Variants in GRID2 observed in about 807,000 individuals in gnomAD.
GRID2 encodes the protein glutamate ionotropic receptor delta type subunit 2, also known as glutamate receptor ionotropic, delta-2.
A neutral mutation model predicts 114.8 loss-of-function variants in GRID2; 33 were observed. The ratio of observed to expected loss-of-function variants is 0.29; its 90% CI spans 0.22 to 0.38. The LOEUF (loss-of-function observed/expected upper bound fraction) is 0.38. Among genes scored for constraint, GRID2 ranks in the 10% least tolerant of loss-of-function variants. GRID2 has a pLI of 1.00. For missense variants in GRID2, 1,184 were observed against 1,257.7 expected (o/e 0.94, Z 0.89); for synonymous variants, 505 against 449.9 (o/e 1.12, Z -1.55).
intron 2 of GRID2, among the ~76,000 whole-genome samples, chr4:93,037,212 T>C (rs1398633744): frequency 6.6e-6 from 1 of 152,204 alleles, no homozygotes; most frequent in Non-Finnish European, 1.5e-5. Context: ...CAAGTCCCTA[T>C]TACCTTAAAT....
chr4:93,002,421 T>C (rs1268667755), intron 2 of GRID2, among the ~76,000 whole-genome samples: 3 of 151,792 alleles, frequency 2.0e-5, no homozygotes, highest in South Asian at 2.1e-4. Flanking sequence ...AAAAACATAG[T>C]TGATGGGCCG....
At chr4:93,328,139 AC>A (rs1560504131) in intron 8 of GRID2, among the ~76,000 whole-genome samples, 1 of 149,908 alleles carries the variant, frequency 6.7e-6, no homozygotes, top group Non-Finnish European at 1.5e-5. Flanking sequence ...CAAAAAAAAA[AC>A]AAAAAACATG....
At chr4:92,375,395 G>T (rs1176234858) in intron 1 of GRID2, among the ~76,000 whole-genome samples, 1 of 152,082 alleles carries the variant, frequency 6.6e-6, no homozygotes, top group African/African-American at 2.4e-5. Context: ...TTGTGACTAG[G>T]TATGTCTTGG....
intron 1 of GRID2, among the ~76,000 whole-genome samples, chr4:92,557,943 C>T (rs2149179258): frequency 6.6e-6 from 1 of 152,114 alleles, no homozygotes; most frequent in Non-Finnish European, 1.5e-5. Context: ...AATCACAGGG[C>T]CAGAATAATT....
At position 93,463,711 on chromosome 4, in the gene GRID2, T is replaced by C. The variant is rs148148362; in HGVS notation, c.1858+7737T>C. ...AATGATAGAACAAGCAGGTGCTGGC[T>C]GGGCGCGGTGGCTCACGCCTGTAAT... On this transcript the variant is annotated intron_variant, in intron 11 of 15. Transcript: ENST00000282020. Among the ~76,000 whole-genome samples, 641 of 152,068 alleles carry C rather than the reference T, an allele frequency of 4.2e-3. 5 individuals carry two copies. The highest frequency in any genetic ancestry group is 0.014 in the African/African-American group (595 of 41,502).
intron 10 of GRID2, among the ~76,000 whole-genome samples, chr4:93,454,867 T>C (rs1326519744): frequency 6.6e-6 from 1 of 152,080 alleles, no homozygotes; most frequent in African/African-American, 2.4e-5. Context: ...AAAAGACACA[T>C]CTTTTAGATA....
intron 14 of GRID2, among the ~76,000 whole-genome samples, chr4:93,747,470 G>C (rs1731939333): frequency 6.6e-6 from 1 of 152,054 alleles, no homozygotes. Flanking sequence ...ATCTCCCATT[G>C]CTTGTTATTG....
intron 1 of GRID2, among the ~76,000 whole-genome samples, chr4:92,317,320 A>T (rs1309248722): frequency 6.6e-6 from 1 of 152,190 alleles, no homozygotes; most frequent in Non-Finnish European, 1.5e-5. Flanking sequence ...AAGTAAAATA[A>T]AGTTTCTTTA....
intron 8 of GRID2, among the ~76,000 whole-genome samples, chr4:93,256,086 C>G (rs1451238537): frequency 5.3e-5 from 8 of 152,064 alleles, no homozygotes; most frequent in Non-Finnish European, 2.9e-5. Flanking sequence ...TTTGGCTACA[C>G]TTCTTCCTAT....
At chr4:93,146,944 C>G (rs910264596) in intron 4 of GRID2, among the ~76,000 whole-genome samples, 8 of 152,048 alleles carry the variant, frequency 5.3e-5, no homozygotes, top group Non-Finnish European at 8.8e-5. Flanking sequence ...CTTATTCTTA[C>G]ATAATTTTCT....
chr4:92,982,012 A>C (rs1754243017), intron 2 of GRID2, among the ~76,000 whole-genome samples: 1 of 146,746 alleles, frequency 6.8e-6, no homozygotes, highest in South Asian at 2.1e-4. Flanking sequence ...TTCACAGTCT[A>C]AAGTACTGGT....
chr4:93,751,192 T>C (rs1411110296), intron 14 of GRID2, among the ~76,000 whole-genome samples: 1 of 152,204 alleles, frequency 6.6e-6, no homozygotes, highest in African/African-American at 2.4e-5. Context: ...ATTCTTCATG[T>C]CTGTTAACAA....
intron 8 of GRID2, among the ~76,000 whole-genome samples, chr4:93,334,268 T>A (rs1665483678): frequency 6.6e-6 from 1 of 152,172 alleles, no homozygotes; most frequent in African/African-American, 2.4e-5. Flanking sequence ...ATGCAAATTA[T>A]TAATGCCCTT....
At chr4:93,269,216 C>T (rs935351450) in intron 8 of GRID2, among the ~76,000 whole-genome samples, 1 of 152,038 alleles carries the variant, frequency 6.6e-6, no homozygotes, top group African/African-American at 2.4e-5. Flanking sequence ...ATTAAAATCA[C>T]CTGGGAAGCT....
intron 8 of GRID2, among the ~76,000 whole-genome samples, chr4:93,337,725 T>C (rs1759233365): frequency 6.6e-6 from 1 of 152,174 alleles, no homozygotes; most frequent in African/African-American, 2.4e-5. Flanking sequence ...CAATGAAGAC[T>C]AATCTCTCAA....
intron 2 of GRID2, among the ~76,000 whole-genome samples, chr4:92,743,405 T>C (rs548110574): frequency 6.6e-6 from 1 of 152,352 alleles, no homozygotes; most frequent in Non-Finnish European, 1.5e-5. Context: ...GATTTCTGAT[T>C]TGTAGAAACT....
chr4:92,474,171 C>A (rs1722180458), intron 1 of GRID2, among the ~76,000 whole-genome samples: 1 of 152,040 alleles, frequency 6.6e-6, no homozygotes, highest in South Asian at 2.1e-4. Flanking sequence ...ACATCTCTCC[C>A]ATTTCCTACC....
At chr4:93,594,131 C>G (rs2149622703) in intron 13 of GRID2, among the ~76,000 whole-genome samples, 2 of 152,308 alleles carry the variant, frequency 1.3e-5, no homozygotes, top group Middle Eastern at 3.4e-3. Flanking sequence ...GAGAGGCACT[C>G]TGCTTTTTAG....
chr4:93,421,074 A>G (rs1768230559), intron 9 of GRID2, among the ~76,000 whole-genome samples: 2 of 152,036 alleles, frequency 1.3e-5, no homozygotes, highest in Non-Finnish European at 2.9e-5. Flanking sequence ...AGTTGGCCCA[A>G]GTGTTGTACA....
Sources: gnomAD v4.1 joint callset for allele counts (sites outside exome capture counted in the v4.1 genomes callset) on GRCh38, gnomAD v4.1.1 for gene constraint, MANE v1.5 for transcripts, NCBI Gene and HGNC (gene_info 2026-07-23, HGNC 2026-07-21) for gene names.